The following ZCCHC7 variants were observed in gnomAD, a reference collection of about 807,000 sequenced individuals.
ZCCHC7 encodes zinc finger CCHC domain-containing protein 7.
Under a neutral mutation model 52.0 loss-of-function variants are expected in ZCCHC7, and 35 were observed. The observed-to-expected ratio is 0.67, with a 90% CI of 0.51 to 0.89. The LOEUF (loss-of-function observed/expected upper bound fraction) is 0.89, where lower values mean the gene tolerates loss of function less well. ZCCHC7 is among the 40% of genes least tolerant of loss of function. ZCCHC7 has a pLI of 0.00. For missense variants in ZCCHC7, 574 were observed against 649.1 expected (o/e 0.88, Z 1.26); for synonymous variants, 217 against 221.5 (o/e 0.98, Z 0.18).
intron 2 of ZCCHC7, among the ~76,000 whole-genome samples, chr9:37,188,439 C>CTGGT (rs1822783696): frequency 6.6e-6 from 1 of 151,314 alleles, no homozygotes; most frequent in African/African-American, 2.4e-5. Context: ...AGGTGTGAGA[C>CTGGT]ACCATGCCCA....
At chr9:37,254,788 G>A (rs1025025572) in intron 2 of ZCCHC7, among the ~76,000 whole-genome samples, 1 of 145,176 alleles carries the variant, frequency 6.9e-6, no homozygotes, top group Admixed American at 6.9e-5. Flanking sequence ...TATACTTAAA[G>A]TGGAGCATAA....
intron 2 of ZCCHC7, among the ~76,000 whole-genome samples, chr9:37,177,794 A>G (rs1822125067): frequency 6.6e-6 from 1 of 151,974 alleles, no homozygotes; most frequent in South Asian, 2.1e-4. Context: ...ACAAATCCCA[A>G]TTTGGGACAT....
chr9:37,216,454 C>T (rs1824510475), intron 2 of ZCCHC7, among the ~76,000 whole-genome samples: 1 of 152,154 alleles, frequency 6.6e-6, no homozygotes, highest in East Asian at 1.9e-4. Context: ...GTGGGCGGAT[C>T]ACTTGAGGTC....
chr9:37,318,046 G>A (rs1829897530), intron 5 of ZCCHC7, among the ~76,000 whole-genome samples: 1 of 151,912 alleles, frequency 6.6e-6, no homozygotes, highest in Non-Finnish European at 1.5e-5. Flanking sequence ...ATTTGGATGG[G>A]CTTTCTGGAA....
chr9:37,211,340 G>T (rs1370668284), intron 2 of ZCCHC7, among the ~76,000 whole-genome samples: 3 of 152,070 alleles, frequency 2.0e-5, no homozygotes, highest in Admixed American at 1.3e-4. Context: ...GGTTTTACTT[G>T]TAGGGTTTTT....
chr9:37,299,875 C>T (rs896460405), intron 2 of ZCCHC7, among the ~76,000 whole-genome samples: 7 of 152,196 alleles, frequency 4.6e-5, no homozygotes, highest in African/African-American at 1.4e-4. Flanking sequence ...TTAAACAACA[C>T]GGGTTCGAAC....
chr9:37,153,405 A>G (rs975984684), intron 2 of ZCCHC7, among the ~76,000 whole-genome samples: 1 of 152,020 alleles, frequency 6.6e-6, no homozygotes, highest in Non-Finnish European at 1.5e-5. Flanking sequence ...TCCCAACCTC[A>G]GGTGATCCGC....
At chr9:37,334,767 C>T (rs1412678075) in intron 6 of ZCCHC7, among the ~76,000 whole-genome samples, 1 of 151,188 alleles carries the variant, frequency 6.6e-6, no homozygotes, top group East Asian at 1.9e-4. Context: ...TAAGAAATAC[C>T]GAAAACAAGT....
At chr9:37,288,695 C>G (rs1321989403) in intron 2 of ZCCHC7, among the ~76,000 whole-genome samples, 2 of 152,094 alleles carry the variant, frequency 1.3e-5, no homozygotes, top group African/African-American at 2.4e-5. Flanking sequence ...CTTACCTGCC[C>G]TATTGGTGGC....
upstream of ZCCHC7, chr9:37,120,445 T>G (rs1279466552): frequency 2.5e-5 from 10 of 396,718 alleles, no homozygotes; most frequent in Admixed American, 8.8e-5. Flanking sequence ...CATGCGCACA[T>G]CAGGCGCGGC....
At chr9:37,234,429 A>C (rs115747907) in intron 2 of ZCCHC7, among the ~76,000 whole-genome samples, 7,729 of 152,302 alleles carry the variant, frequency 0.051, 643 homozygotes, top group African/African-American at 0.17. Flanking sequence ...GTTAAAGCAC[A>C]AGAAGTTCTT....
At chr9:37,216,825 G>A (rs1320552167) in intron 2 of ZCCHC7, among the ~76,000 whole-genome samples, 2 of 152,030 alleles carry the variant, frequency 1.3e-5, no homozygotes, top group East Asian at 3.9e-4. Context: ...ATTGTAGTAT[G>A]CATTTGATTT....
intron 2 of ZCCHC7, among the ~76,000 whole-genome samples, chr9:37,141,015 G>A (rs1294118686): frequency 1.3e-5 from 2 of 151,958 alleles, no homozygotes; most frequent in South Asian, 2.1e-4. Context: ...AGTATAATGC[G>A]CATACTTATT....
Position 37,357,043 on chromosome 9 carries a change from G to A in ZCCHC7, c.1407G>A (p.Val469=), listed in dbSNP as rs878992883. The change falls in exon 9 of 9, where the codon GTG becomes GTA. Residue 469 remains valine (V), a synonymous_variant. Transcript: ENST00000336755. ...GGAAGGCTGACAGACATCGTGAAGT[G>A]GATGAGGATTTTCCCAGGGGCCCCA... ...KHRKADRHRE[V]DEDFPRGPKT... The A allele has an allele frequency of 1.2e-6, 2 of 1,613,816 alleles. No individual in the cohort carries two copies. The highest frequency in any genetic ancestry group is 2.2e-5 in the East Asian group (1 of 44,844).
At chr9:37,265,830 C>T (rs955310030) in intron 2 of ZCCHC7, among the ~76,000 whole-genome samples, 1 of 152,102 alleles carries the variant, frequency 6.6e-6, no homozygotes, top group East Asian at 1.9e-4. Flanking sequence ...AGTGTTGGCC[C>T]TAGTCTGTTT....
intron 2 of ZCCHC7, among the ~76,000 whole-genome samples, chr9:37,210,007 G>GT (rs1284866352): frequency 5.3e-5 from 8 of 151,836 alleles, no homozygotes; most frequent in Admixed American, 1.3e-4. Flanking sequence ...TCTTCTTCCT[G>GT]TTTTTTTATT....
At chr9:37,233,310 A>G (rs1415208927) in intron 2 of ZCCHC7, among the ~76,000 whole-genome samples, 2 of 152,164 alleles carry the variant, frequency 1.3e-5, no homozygotes, top group Non-Finnish European at 2.9e-5. Flanking sequence ...ATAATACCAA[A>G]TGCTGTCATT....
chr9:37,244,355 A>G (rs1249382955), intron 2 of ZCCHC7, among the ~76,000 whole-genome samples: 1 of 151,760 alleles, frequency 6.6e-6, no homozygotes, highest in Non-Finnish European at 1.5e-5. Flanking sequence ...TGAATATACC[A>G]TAGTATAGTG....
At chr9:37,158,190 G>C (rs1464776731) in intron 2 of ZCCHC7, among the ~76,000 whole-genome samples, 1 of 152,190 alleles carries the variant, frequency 6.6e-6, no homozygotes, top group Non-Finnish European at 1.5e-5. Flanking sequence ...TTTGTTAAGA[G>C]AGCATTTATT....
Sources: allele counts gnomAD v4.1 joint callset (sites outside exome capture counted in the v4.1 genomes callset), GRCh38; gene constraint gnomAD v4.1.1; transcripts MANE v1.5; gene names NCBI Gene and HGNC (gene_info 2026-07-23, HGNC 2026-07-21).